The following ASMTL variants were observed in gnomAD, a reference collection of about 807,000 sequenced individuals.
ASMTL encodes the protein probable bifunctional dTTP/UTP pyrophosphatase/methyltransferase protein.
ASMTL carries 57 observed loss-of-function variants against 60.3 expected under a neutral mutation model. The ratio of observed to expected loss-of-function variants is 0.95; its 90% CI spans 0.76 to 1.18. The LOEUF is 1.18. Ranked by LOEUF, ASMTL falls within the 50% of genes most tolerant of loss-of-function variation. The pLI, the probability that ASMTL is intolerant of heterozygous loss-of-function variation, is 0.00. For missense variants in ASMTL, 981 were observed against 852.6 expected, an observed-to-expected ratio of 1.15 and a Z score of -1.88; for synonymous variants, 419 against 373.0, an observed-to-expected ratio of 1.12 and a Z score of -1.42.
intron 8 of ASMTL, among the ~76,000 whole-genome samples, chrX:1,422,379 C>T (rs2090504581): frequency 6.6e-6 from 1 of 152,198 alleles, no homozygotes; most frequent in South Asian, 2.1e-4. Flanking sequence ...GAGCTTCCAG[C>T]CTCCTGGCCT....
intron 6 of ASMTL, among the ~76,000 whole-genome samples, chrX:1,430,795 T>C (rs1292054970): frequency 6.8e-6 from 1 of 147,474 alleles, no homozygotes; most frequent in Non-Finnish European, 1.5e-5. Flanking sequence ...AAATTATTTA[T>C]ATAAATATAT....
At chrX:1,440,946 T>C (rs1354925187) in intron 2 of ASMTL, among the ~76,000 whole-genome samples, 1 of 152,166 alleles carries the variant, frequency 6.6e-6, no homozygotes, top group Non-Finnish European at 1.5e-5. Flanking sequence ...TAACTGATAT[T>C]ACTATATTAA....
chrX:1,443,208 G>A lies in ASMTL; in HGVS notation c.94-891C>T, dbSNP rs774854512. 2.5e-5 allele frequency among the ~76,000 whole-genome samples: 3 copies of A among 122,434 alleles called. No homozygotes were observed. In the East Asian group the frequency reaches 7.9e-4, roughly 32 times the overall value. The allele number at this position is 122,434 out of a possible 152,430, so 80.3% of individuals were successfully genotyped here. A position where few individuals can be genotyped will look rare whatever the true frequency, so the allele number is the denominator to read the frequency against. On this transcript the variant is annotated intron_variant, in intron 1 of 12. Transcript: ENST00000381317. ...CCATCGTGGACACACACTGCCATCTGGGACACACACCGTCGTCGTGCACAC... is the reference window on the plus strand; with the variant it reads ...CCATCGTGGACACACACTGCCATCTAGGACACACACCGTCGTCGTGCACAC...
At chrX:1,438,059 T>C (rs6645247) in intron 3 of ASMTL, among the ~76,000 whole-genome samples, 64,356 of 151,026 alleles carry the variant, frequency 0.43, 14,432 homozygotes, top group African/African-American at 0.57. Flanking sequence ...GAGGCTAAGG[T>C]GGGCAGATCA....
At chrX:1,404,074 G>C (rs1180257378) in intron 12 of ASMTL, among the ~76,000 whole-genome samples, 1 of 151,932 alleles carries the variant, frequency 6.6e-6, no homozygotes, top group African/African-American at 2.4e-5. Context: ...TGGGTGAATA[G>C]ATGGTACATG....
At chrX:1,453,349 C>T (rs771254978), upstream of ASMTL, among the ~76,000 whole-genome samples, 1 of 150,748 alleles carries the variant, frequency 6.6e-6, no homozygotes, top group South Asian at 2.1e-4. Flanking sequence ...CCCCGCCCGC[C>T]TCCCCCCCGG....
chrX:1,417,952 G>A, intron 11 of ASMTL, 21 bp downstream of exon 11: 2 of 1,591,350 alleles, frequency 1.3e-6, no homozygotes, highest in East Asian at 4.5e-5. Flanking sequence ...GGTTAGCAGG[G>A]TGAACAGGAG....
At chrX:1,444,046 G>A (rs1227483648) in intron 1 of ASMTL, among the ~76,000 whole-genome samples, 2 of 152,146 alleles carry the variant, frequency 1.3e-5, no homozygotes, top group Non-Finnish European at 1.5e-5. Flanking sequence ...ATGTCAGCAT[G>A]ACCAGAAACA....
At chrX:1,411,635 C>T (rs2090025657) in intron 12 of ASMTL, among the ~76,000 whole-genome samples, 3 of 29,112 alleles carry the variant, frequency 1.0e-4, no homozygotes, top group South Asian at 1.1e-3. Context: ...CTGCAGAGTC[C>T]ACTCATGCGT....
intron 1 of ASMTL, among the ~76,000 whole-genome samples, chrX:1,449,796 G>C (rs1478775773): frequency 3.9e-5 from 5 of 127,708 alleles, no homozygotes; most frequent in African/African-American, 1.7e-4. Context: ...CCCATCACCA[G>C]TAACTATCTC....
At chrX:1,448,261 T>C (rs2091272964) in intron 1 of ASMTL, among the ~76,000 whole-genome samples, 1 of 147,744 alleles carries the variant, frequency 6.8e-6, no homozygotes, top group Non-Finnish European at 1.5e-5. Flanking sequence ...CACCACCATC[T>C]TGGACACACA....
intron 1 of ASMTL, among the ~76,000 whole-genome samples, chrX:1,448,314 C>T (rs1439869429): frequency 2.0e-5 from 3 of 150,826 alleles, no homozygotes; most frequent in Non-Finnish European, 4.4e-5. Flanking sequence ...GCACCACCAT[C>T]TTGGACACAC....
At chrX:1,419,772 C>T (rs1159384802) in intron 9 of ASMTL, among the ~76,000 whole-genome samples, 9 of 152,288 alleles carry the variant, frequency 5.9e-5, no homozygotes, top group South Asian at 2.1e-4. Flanking sequence ...CTAAATCTCG[C>T]GGGGGCTCCC....
At chrX:1,437,594 T>G (rs866736220) in intron 3 of ASMTL, among the ~76,000 whole-genome samples, 1 of 152,048 alleles carries the variant, frequency 6.6e-6, no homozygotes, top group Admixed American at 6.6e-5. Flanking sequence ...ATAGACTGGG[T>G]GGCTTATGAA....
intron 9 of ASMTL, among the ~76,000 whole-genome samples, chrX:1,419,379 G>A (rs1229352586): frequency 2.0e-5 from 3 of 152,174 alleles, no homozygotes; most frequent in Non-Finnish European, 2.9e-5. Flanking sequence ...AACTCCAAGC[G>A]TCTGACTTTC....
rs1264918106 is a variant in ASMTL at position 1,425,408 on chromosome X, G to A, written c.1060+117C>T. 3 of 1,189,242 alleles carry A rather than the reference G, an allele frequency of 2.5e-6. No individual in the cohort carries two copies. In the Admixed American group the frequency reaches 7.9e-5, roughly 31 times the overall value. The allele number at this position is 1,189,242 out of a possible 1,614,324, so 73.7% of individuals were successfully genotyped here. A position where few individuals can be genotyped will look rare whatever the true frequency, so the allele number is the denominator to read the frequency against. ...TTCGGGAAAAGCAGCATTCCTGAGGGCAGAGGGACAGAAGGTGTGGGCCTC... is the reference window on the plus strand; with the variant it reads ...TTCGGGAAAAGCAGCATTCCTGAGGACAGAGGGACAGAAGGTGTGGGCCTC... On this transcript the variant is annotated intron_variant, in intron 8 of 12. Transcript: ENST00000381317.
In ASMTL at chrX:1,432,266, C is replaced by G. The variant is rs201075164; in HGVS notation, c.509+3G>C. 6.2e-7 allele frequency: 1 copy of G among 1,607,050 alleles called. No individual in the cohort carries two copies. Among genetic ancestry groups the G allele is most frequent in the Non-Finnish European group, 8.5e-7 (1 of 1,175,160 alleles). The stretch of plus-strand genomic sequence containing the variant: ...CCGTCCCCCCACCGCCCCCGAGACT[C>G]ACATGGGCTCCCCGCTGTGGACGTA... On this transcript the variant is annotated splice_donor_region_variant and intron_variant, in intron 6 of 12. Transcript: ENST00000381317.
At chrX:1,424,583 G>GCCA (rs2090564609) in intron 8 of ASMTL, among the ~76,000 whole-genome samples, 1 of 122,076 alleles carries the variant, frequency 8.2e-6, no homozygotes, top group Non-Finnish European at 1.8e-5. Flanking sequence ...CATCCATCCA[G>GCCA]CCACCCATCC....
chrX:1,417,676 C>T (rs78511615), intron 11 of ASMTL, among the ~76,000 whole-genome samples: 19,370 of 151,556 alleles, frequency 0.13, 1,550 homozygotes, highest in Middle Eastern at 0.18. Context: ...CTCACAGAAA[C>T]ATATGCAACC....
Sources: allele counts gnomAD v4.1 joint callset (sites outside exome capture counted in the v4.1 genomes callset), GRCh38; gene constraint gnomAD v4.1.1; transcripts MANE v1.5; gene names NCBI Gene and HGNC (gene_info 2026-07-23, HGNC 2026-07-21).